The following TTC7B variants were observed in gnomAD, a reference collection of about 807,000 sequenced individuals.
TTC7B encodes tetratricopeptide repeat protein 7B.
A neutral mutation model predicts 106.8 loss-of-function variants in TTC7B; 28 were observed. The observed-to-expected ratio is 0.26, with a 90% CI of 0.19 to 0.36. TTC7B has a LOEUF of 0.36. TTC7B is among the 10% of genes least tolerant of loss of function. The pLI, the probability that TTC7B is intolerant of heterozygous loss-of-function variation, is 1.00. For missense variants in TTC7B, 862 were observed against 1,076.4 expected, an observed-to-expected ratio of 0.80 and a Z score of 2.79; for synonymous variants, 405 against 430.6, an observed-to-expected ratio of 0.94 and a Z score of 0.74.
chr14:90,671,548 C>T (rs1477898249), intron 9 of TTC7B, among the ~76,000 whole-genome samples: 6 of 152,180 alleles, frequency 3.9e-5, no homozygotes, highest in African/African-American at 1.4e-4. Context: ...TGCTGCTTTA[C>T]TTTTAATAGC....
chr14:90,549,947 G>C (rs563373678), intron 19 of TTC7B, among the ~76,000 whole-genome samples: 1 of 152,210 alleles, frequency 6.6e-6, no homozygotes, highest in South Asian at 2.1e-4. Flanking sequence ...TGTTAAACTA[G>C]AGATCATAAG....
intron 9 of TTC7B, among the ~76,000 whole-genome samples, chr14:90,668,254 C>A (rs998390056): frequency 6.6e-6 from 1 of 152,104 alleles, no homozygotes; most frequent in South Asian, 2.1e-4. Flanking sequence ...AAAGAGGAAT[C>A]GAACAATATA....
rs188405809 is a variant in TTC7B at position 90,770,383 on chromosome 14, G to A, written c.445+10355C>T. On this transcript the variant is annotated intron_variant, in intron 3 of 19. Coordinates refer to ENST00000328459, the MANE Select transcript of TTC7B (RefSeq NM_001010854.2). ...AATGAATAGAACAACCAGGCCAGGC[G>A]CGGTGGCTCACGCCTGTAATCCCAT... Among the ~76,000 whole-genome samples, 971 of 152,254 alleles carry A rather than the reference G, an allele frequency of 6.4e-3. 8 individuals are homozygous for A. The highest frequency in any genetic ancestry group is 7.9e-3 in the Non-Finnish European group (538 of 68,010).
At chr14:90,744,373 G>A (rs1431318066) in intron 4 of TTC7B, among the ~76,000 whole-genome samples, 1 of 151,944 alleles carries the variant, frequency 6.6e-6, no homozygotes, top group African/African-American at 2.4e-5. Flanking sequence ...GAGTGAAGTG[G>A]TGCAATCTTG....
intron 1 of TTC7B, 60 bp downstream of exon 1, chr14:90,816,115 C>G (rs1413273916): frequency 3.0e-5 from 30 of 995,688 alleles, no homozygotes; most frequent in Non-Finnish European, 3.1e-5. Flanking sequence ...GCCTCGGGGG[C>G]CCGTTCCCGC....
At chr14:90,546,607 C>T (rs1889842944) in intron 19 of TTC7B, among the ~76,000 whole-genome samples, 4 of 152,246 alleles carry the variant, frequency 2.6e-5, no homozygotes. Context: ...AGCCAAGCAG[C>T]CACACTGCCC....
chr14:90,717,314 G>A (rs975785748), intron 5 of TTC7B, among the ~76,000 whole-genome samples: 1 of 151,418 alleles, frequency 6.6e-6, no homozygotes, highest in African/African-American at 2.4e-5. Context: ...ACCCCAGCCT[G>A]GGCAACAGAG....
At chr14:90,641,379 C>T (rs1057213794) in intron 15 of TTC7B, among the ~76,000 whole-genome samples, 1 of 152,200 alleles carries the variant, frequency 6.6e-6, no homozygotes, top group East Asian at 1.9e-4. Flanking sequence ...TCAGCTATGT[C>T]CTCCACTCCC....
At chr14:90,678,955 C>A (rs937516426) in intron 8 of TTC7B, among the ~76,000 whole-genome samples, 1 of 152,198 alleles carries the variant, frequency 6.6e-6, no homozygotes, top group African/African-American at 2.4e-5. Flanking sequence ...AAGGGAACTA[C>A]CTGCCAAGGA....
intron 19 of TTC7B, chr14:90,569,869 G>T (rs916117140): frequency 6.6e-6 from 1 of 152,308 alleles, no homozygotes; most frequent in Non-Finnish European, 1.5e-5. Context: ...CACACATGTG[G>T]CCAGGGGAGA....
At chr14:90,771,797 C>T (rs915412211) in intron 3 of TTC7B, among the ~76,000 whole-genome samples, 5 of 150,182 alleles carry the variant, frequency 3.3e-5, no homozygotes, top group African/African-American at 7.3e-5. Context: ...TGTGTGTGCA[C>T]GTGTGTGTGT....
At position 90,786,261 on chromosome 14, in the gene TTC7B, C is replaced by A; in HGVS notation, c.189G>T (p.Arg63Ser). The A allele has an allele frequency of 6.2e-7, 1 of 1,612,566 alleles. No homozygotes were observed. The highest frequency in any genetic ancestry group is 1.7e-5 in the Admixed American group (1 of 59,786). ...TGGGGCCTCGGGGACTGGCCCCCTG[C>A]CTCAGGGGGTGTTCCTTCAGGTACT... The part of the protein sequence containing the change: ...LEQYLKEHPL[R>S]QGASPRGPKP... The change falls in exon 2 of 20, where the codon AGG becomes AGT. Residue 63 changes from arginine to serine, a missense_variant. Arg to Ser is a moderately radical substitution (Grantham distance 110). Transcript: ENST00000328459.
chr14:90,780,944 CAAT>C (rs777635288), intron 2 of TTC7B, 38 bp from the exon 3 acceptor site: 2 of 1,592,898 alleles, frequency 1.3e-6, no homozygotes, highest in African/African-American at 2.7e-5. Context: ...CATTTTCCTA[CAAT>C]ATCAGGCATG....
At chr14:90,725,481 G>C (rs572628499) in intron 5 of TTC7B, among the ~76,000 whole-genome samples, 1 of 152,346 alleles carries the variant, frequency 6.6e-6, no homozygotes, top group African/African-American at 2.4e-5. Flanking sequence ...CAATTGCAAA[G>C]AGATTATATG....
At chr14:90,748,906 GT>G in intron 3 of TTC7B, among the ~76,000 whole-genome samples, 1 of 152,040 alleles carries the variant, frequency 6.6e-6, no homozygotes, top group African/African-American at 2.4e-5. Flanking sequence ...AACATTTCTT[GT>G]AGGGTAGTTC....
At chr14:90,769,279 G>A (rs559441282) in intron 3 of TTC7B, among the ~76,000 whole-genome samples, 1 of 152,184 alleles carries the variant, frequency 6.6e-6, no homozygotes, top group Admixed American at 6.5e-5. Flanking sequence ...AAAGCTATAA[G>A]GCATGTAGAA....
rs750311285 is a variant in TTC7B at position 90,578,612 on chromosome 14, G to A, written c.2108-304C>T. Among the ~76,000 whole-genome samples the A allele has an allele frequency of 2.6e-5, 4 of 151,934 alleles. No homozygotes were observed. The South Asian group carries it at 6.2e-4, about 24-fold the overall frequency. ...GGGCACCCACCCTCAGGGCCCACCC[G>A]GGGCTCCTCAGTGTCTGGACAGAGG... On this transcript the variant is annotated intron_variant, in intron 18 of 19. Coordinates refer to ENST00000328459, the MANE Select transcript of TTC7B (RefSeq NM_001010854.2). This position sits in a 1 kb window ranked among gnomAD's most constrained non-coding sequence, Gnocchi z 4.7.
At chr14:90,586,752 C>A (rs1252045497) in intron 18 of TTC7B, among the ~76,000 whole-genome samples, 1 of 152,206 alleles carries the variant, frequency 6.6e-6, no homozygotes, top group East Asian at 1.9e-4. Context: ...CATCCAGCCG[C>A]CTGCCTGGCA....
chr14:90,651,273 A>T (rs971524823), intron 13 of TTC7B, among the ~76,000 whole-genome samples: 2 of 152,238 alleles, frequency 1.3e-5, no homozygotes. Context: ...TATATTTCAC[A>T]CAAATTCTAA....
Sources: allele counts gnomAD v4.1 joint callset (sites outside exome capture counted in the v4.1 genomes callset), GRCh38; gene constraint gnomAD v4.1.1; non-coding constraint Gnocchi (gnomAD v3.1); transcripts MANE v1.5; gene names NCBI Gene and HGNC (gene_info 2026-07-23, HGNC 2026-07-21).